The following KIAA0753 variants were observed in gnomAD, a reference collection of about 807,000 sequenced individuals.
The protein encoded by KIAA0753 is KIAA0753.
A neutral mutation model predicts 116.9 loss-of-function variants in KIAA0753; 114 were observed. That is an observed-to-expected ratio of 0.98 (90% CI 0.84 to 1.14). The LOEUF is 1.14. Among genes scored for constraint, KIAA0753 ranks in the 50% most tolerant of loss-of-function variants. KIAA0753 has a pLI of 0.00. For synonymous variants in KIAA0753, 405 were observed against 413.1 expected, an observed-to-expected ratio of 0.98 and a Z score of 0.24; for missense variants, 1,156 against 1,172.4, an observed-to-expected ratio of 0.99 and a Z score of 0.20.
intron 18 of KIAA0753, among the ~76,000 whole-genome samples, chr17:6,586,597 AG>A (rs1173378662): frequency 6.6e-6 from 1 of 152,240 alleles, no homozygotes; most frequent in East Asian, 1.9e-4. Flanking sequence ...ATAGAGATAT[AG>A]GAAGTAAAGA....
At chr17:6,606,836 A>G (rs756342885) in intron 12 of KIAA0753, 37 bp downstream of exon 12, 5 of 1,557,622 alleles carry the variant, frequency 3.2e-6, no homozygotes, top group Non-Finnish European at 4.4e-6. Flanking sequence ...TAGAACAGGC[A>G]AACATCCACT....
intron 7 of KIAA0753, among the ~76,000 whole-genome samples, chr17:6,616,836 A>C (rs1297479787): frequency 6.6e-6 from 1 of 152,166 alleles, no homozygotes. Flanking sequence ...AAAATAAATA[A>C]ATAAATAAGA....
At chr17:6,622,831 T>C (rs527944931) in intron 6 of KIAA0753, 51 bp downstream of exon 6, 1 of 1,445,496 alleles carries the variant, frequency 6.9e-7, no homozygotes, top group East Asian at 2.3e-5. Flanking sequence ...TAGGTAATAG[T>C]AAGCATTACT....
chr17:6,586,099 G>A (rs1378574687), intron 18 of KIAA0753, among the ~76,000 whole-genome samples: 1 of 152,068 alleles, frequency 6.6e-6, no homozygotes, highest in Non-Finnish European at 1.5e-5. Flanking sequence ...ATGAGATCTG[G>A]TCATTTAAAA....
chr17:6,617,264 G>A (rs1263362136), intron 7 of KIAA0753, among the ~76,000 whole-genome samples: 1 of 152,142 alleles, frequency 6.6e-6, no homozygotes, highest in East Asian at 1.9e-4. Flanking sequence ...GCTCATCATA[G>A]AGGATATAAG....
At chr17:6,633,109 T>C (rs2150921581) in intron 2 of KIAA0753, among the ~76,000 whole-genome samples, 1 of 152,264 alleles carries the variant, frequency 6.6e-6, no homozygotes, top group East Asian at 1.9e-4. Flanking sequence ...AGGAAAAAAA[T>C]ACTTAGAGGT....
chr17:6,600,564 TCTCTAACCGTTCATGG>T, intron 12 of KIAA0753, 106 bp from the exon 13 acceptor site: 3 of 783,222 alleles, frequency 3.8e-6, no homozygotes, highest in Non-Finnish European at 6.3e-6. Flanking sequence ...ACCACGAGCT[TCTCTAACCGTTCATGG>T]CCATATCAAT....
intron 16 of KIAA0753, among the ~76,000 whole-genome samples, chr17:6,591,760 C>T (rs1278983864): frequency 2.0e-5 from 3 of 152,204 alleles, no homozygotes; most frequent in South Asian, 2.1e-4. Flanking sequence ...ATCAGGGAAA[C>T]GAATTGCCCT....
In KIAA0753 at chr17:6,579,576, A is replaced by T. The variant is rs1967989088; in HGVS notation, c.*171T>A. 6.4e-6 allele frequency: 4 copies of T among 627,702 alleles called. No homozygotes were observed. Among genetic ancestry groups the T allele is most frequent in the Non-Finnish European group, 1.1e-5 (4 of 348,328 alleles). 38.9% of individuals were successfully genotyped at this position (627,702 alleles called of 1,614,324 possible). A position where few individuals can be genotyped will look rare whatever the true frequency, so the allele number is the denominator to read the frequency against. ...ACATTTCCAGAACCATTGCCATGAC[A>T]AAAGAAAATGCAAAGTGAGGATGAC... On this transcript the variant is annotated 3_prime_UTR_variant, in exon 19 of 19. Transcript: ENST00000361413.
At chr17:6,636,442 T>G (rs1224829454) in intron 1 of KIAA0753, 1 of 151,994 alleles carries the variant, frequency 6.6e-6, no homozygotes, top group African/African-American at 2.4e-5. Flanking sequence ...AATAGTCCAT[T>G]CTCCACTAGA....
At chr17:6,595,805 G>A (rs1004326724) in intron 15 of KIAA0753, among the ~76,000 whole-genome samples, 5 of 152,218 alleles carry the variant, frequency 3.3e-5, no homozygotes, top group African/African-American at 4.8e-5. Context: ...TGAACAGTAC[G>A]TACAAGCTGA....
At chr17:6,587,925 T>C (rs12941279) in intron 18 of KIAA0753, among the ~76,000 whole-genome samples, 18,545 of 152,140 alleles carry the variant, frequency 0.12, 1,766 homozygotes, top group East Asian at 0.36. Flanking sequence ...TTTAGCAGCA[T>C]AGAGGGAGCT....
Position 6,608,376 on chromosome 17 carries a change from T to C in KIAA0753, c.1801A>G (p.Thr601Ala), listed in dbSNP as rs886602215. Residue 601 changes from threonine (T) to alanine (A), a missense_variant, in exon 10 of 19, where the codon ACA becomes GCA. Physicochemically the swap from Thr to Ala is moderately conservative, Grantham distance 58. Transcript: ENST00000361413. The stretch of plus-strand genomic sequence containing the variant: ...GCTGCTTCATGCTCAACAGCACCTG[T>C]CAGGTGACTTTCCTCTTGAGGATCT... ...QEDPQEESHL[T>A]GAVEHEAARL... The C allele has an allele frequency of 6.4e-7, 1 of 1,551,492 alleles. No individual in the cohort carries two copies. Among genetic ancestry groups the C allele is most frequent in the Non-Finnish European group, 8.7e-7 (1 of 1,142,938 alleles).
chr17:6,590,114 C>G, intron 17 of KIAA0753, 111 bp from the exon 18 acceptor site: 9 of 906,642 alleles, frequency 9.9e-6, no homozygotes, highest in Non-Finnish European at 1.5e-5. Flanking sequence ...ATTTCTCTTT[C>G]TCACAATGAA....
At chr17:6,622,566 T>C (rs1971397491) in intron 6 of KIAA0753, among the ~76,000 whole-genome samples, 1 of 152,244 alleles carries the variant, frequency 6.6e-6, no homozygotes, top group Non-Finnish European at 1.5e-5. Flanking sequence ...CTGGTTTCCT[T>C]TTCTATGCTA....
At position 6,614,836 on chromosome 17, in the gene KIAA0753, T is replaced by C. The variant is rs548886058; in HGVS notation, c.1316-2688A>G. Among the ~76,000 whole-genome samples the C allele has an allele frequency of 2.0e-5, 3 of 152,366 alleles. No homozygotes were observed. In the South Asian group the frequency reaches 6.2e-4, roughly 32 times the overall value. On this transcript the variant is annotated intron_variant, in intron 7 of 18. Transcript: ENST00000361413. ...ATTTTTGAGACGGAGTCTTGCTCTG[T>C]TGTCCAGCCTGGAGTGCAGTAGTGT...
intron 1 of KIAA0753, chr17:6,635,730 C>T (rs1325959929): frequency 1.3e-5 from 2 of 152,566 alleles, no homozygotes; most frequent in African/African-American, 4.8e-5. Flanking sequence ...CTTTCCCCCA[C>T]CCTATACATA....
chr17:6,593,499 G>T (rs1375763599), intron 16 of KIAA0753, among the ~76,000 whole-genome samples: 1 of 150,998 alleles, frequency 6.6e-6, no homozygotes. Flanking sequence ...CTCACACCTG[G>T]AATCCCAGCA....
Position 6,599,267 on chromosome 17 carries a change from T to A in KIAA0753, c.2142A>T (p.Val714=). 2 of 1,614,008 alleles carry A rather than the reference T, an allele frequency of 1.2e-6. No individual in the cohort carries two copies. The highest frequency in any genetic ancestry group is 1.7e-6 in the Non-Finnish European group (2 of 1,179,874). The change falls in exon 14 of 19, where the codon GTA becomes GTT. Residue 714 remains valine, a synonymous_variant. Coordinates refer to ENST00000361413, the MANE Select transcript of KIAA0753 (RefSeq NM_014804.3). Reference sequence around the variant, plus strand: ...GTGCAGGCTGGGCTTTCGCTGTGTTTACTGACGAGCCATCTTTCAAATGAA... The same window carrying A: ...GTGCAGGCTGGGCTTTCGCTGTGTTAACTGACGAGCCATCTTTCAAATGAA... ...ANIHLKDGSS[V]NTAKAQPAQE...
Sources: gnomAD v4.1 joint callset for allele counts (sites outside exome capture counted in the v4.1 genomes callset) on GRCh38, gnomAD v4.1.1 for gene constraint, MANE v1.5 for transcripts, NCBI Gene and HGNC (gene_info 2026-07-23, HGNC 2026-07-21) for gene names.